FBN1: variants seen among roughly 807,000 people sequenced by gnomAD.
FBN1 encodes the protein fibrillin-1.
Under a neutral mutation model 365.1 loss-of-function variants are expected in FBN1, and 29 were observed. The ratio of observed to expected loss-of-function variants is 0.08; its 90% CI spans 0.06 to 0.11. FBN1 has a LOEUF of 0.11. FBN1 is among the 10% of genes least tolerant of loss of function. The probability of loss-of-function intolerance (pLI) is 1.00; values close to 1 mark genes in which losing one functional copy is unlikely to be tolerated. For missense variants in FBN1, 2,476 were observed against 3,703.2 expected (o/e 0.67, Z 8.60); for synonymous variants, 1,210 against 1,270.5 (o/e 0.95, Z 1.01).
intron 31 of FBN1, among the ~76,000 whole-genome samples, chr15:48,483,321 G>A (rs1305297151): frequency 6.6e-6 from 1 of 152,200 alleles, no homozygotes. Flanking sequence ...TTTTAGAGGT[G>A]AAAACTACAA....
intron 14 of FBN1, 152 bp from the exon 15 acceptor site, chr15:48,508,856 G>C: frequency 1.1e-6 from 1 of 950,812 alleles, no homozygotes. Context: ...ATCATCTAAG[G>C]AAGGAGAAGA....
chr15:48,617,128 T>C (rs1490208333), intron 2 of FBN1, among the ~76,000 whole-genome samples: 1 of 152,160 alleles, frequency 6.6e-6, no homozygotes, highest in Admixed American at 6.5e-5. Context: ...TGTCCATCAA[T>C]AGACCAAGGA....
intron 6 of FBN1, among the ~76,000 whole-genome samples, chr15:48,592,040 T>C (rs1259808845): frequency 6.6e-6 from 1 of 152,180 alleles, no homozygotes; most frequent in Non-Finnish European, 1.5e-5. Context: ...CAAAGTGAAG[T>C]GCTTAGCACA....
At chr15:48,485,558 C>T in intron 29 of FBN1, 62 bp from the exon 30 acceptor site, 2 of 1,587,274 alleles carry the variant, frequency 1.3e-6, no homozygotes. Context: ...CCCTCCAATA[C>T]TCGTGTTGAA....
chr15:48,562,105 G>C (rs1180528612), intron 6 of FBN1, among the ~76,000 whole-genome samples: 1 of 152,114 alleles, frequency 6.6e-6, no homozygotes, highest in East Asian at 1.9e-4. Context: ...TTAGAAGAAT[G>C]GAATCAAGCC....
At chr15:48,644,564 A>G (rs556095838) in intron 2 of FBN1, 42 bp downstream of exon 2, 1 of 1,613,114 alleles carries the variant, frequency 6.2e-7, no homozygotes, top group African/African-American at 1.3e-5. Flanking sequence ...GGATCTTGAA[A>G]CTTGGGAGAC....
intron 50 of FBN1, among the ~76,000 whole-genome samples, chr15:48,439,544 C>T (rs1274285987): frequency 2.6e-5 from 4 of 152,152 alleles, no homozygotes; most frequent in Non-Finnish European, 5.9e-5. Flanking sequence ...ATTTATGCCT[C>T]CAACTACCTT....
intron 28 of FBN1, 37 bp from the exon 29 acceptor site, chr15:48,487,237 A>G (rs757720203): frequency 1.2e-6 from 2 of 1,614,102 alleles, no homozygotes; most frequent in South Asian, 2.2e-5. Context: ...ACCCAAACAT[A>G]AGCTTCCAAC....
At chr15:48,550,721 T>C (rs750351404) in intron 6 of FBN1, among the ~76,000 whole-genome samples, 91 of 152,208 alleles carry the variant, frequency 6.0e-4, no homozygotes, top group Non-Finnish European at 6.0e-4. Context: ...TGCCATCTCC[T>C]CTACCTGGAA....
At chr15:48,496,353 G>A (rs2043609008) in intron 19 of FBN1, 128 bp from the exon 20 acceptor site, 1 of 1,138,688 alleles carries the variant, frequency 8.8e-7, no homozygotes, top group African/African-American at 1.5e-5. Context: ...CAAAACTCCT[G>A]TAGCATTAGC....
At chr15:48,425,339 G>C in intron 60 of FBN1, 30 bp downstream of exon 60, 1 of 1,613,940 alleles carries the variant, frequency 6.2e-7, no homozygotes, top group African/African-American at 1.3e-5. Context: ...TCAGGAGCTA[G>C]GTGAGGGGCA....
chr15:48,425,335 G>A, intron 60 of FBN1, 34 bp downstream of exon 60: 1 of 1,613,872 alleles, frequency 6.2e-7, no homozygotes, highest in South Asian at 1.1e-5. Context: ...TGTGTCAGGA[G>A]CTAGGTGAGG....
chr15:48,568,045 GAAAGAAGA>G (rs1252949681), intron 6 of FBN1, among the ~76,000 whole-genome samples: 43 of 67,226 alleles, frequency 6.4e-4, no homozygotes, highest in East Asian at 1.0e-3. Context: ...AAGAAAGAAA[GAAAGAAGA>G]AAGAAAGAAA....
At chr15:48,459,591 A>G (rs780556622) in intron 43 of FBN1, among the ~76,000 whole-genome samples, 1 of 152,102 alleles carries the variant, frequency 6.6e-6, no homozygotes, top group Non-Finnish European at 1.5e-5. Flanking sequence ...CCAGGGAAAA[A>G]CTCAGAGAAT....
At chr15:48,441,656 G>T (rs1306963006) in intron 50 of FBN1, 65 bp downstream of exon 50, 2 of 1,602,810 alleles carry the variant, frequency 1.2e-6, no homozygotes, top group African/African-American at 1.3e-5. Flanking sequence ...TGCCATGTTT[G>T]AAAAATAAGA....
intron 6 of FBN1, among the ~76,000 whole-genome samples, chr15:48,583,541 G>C (rs551902499): frequency 2.6e-5 from 4 of 152,188 alleles, no homozygotes; most frequent in Admixed American, 2.6e-4. Context: ...TTTACTGATG[G>C]GTAAGTGTCT....
chr15:48,479,908 G>C (rs1328988659), intron 32 of FBN1, among the ~76,000 whole-genome samples: 2 of 152,170 alleles, frequency 1.3e-5, no homozygotes, highest in Non-Finnish European at 2.9e-5. Flanking sequence ...ATGGACAATA[G>C]ATATAGACTA....
chr15:48,556,213 T>C (rs2044179031), intron 6 of FBN1, among the ~76,000 whole-genome samples: 1 of 152,198 alleles, frequency 6.6e-6, no homozygotes, highest in East Asian at 1.9e-4. Context: ...TGACTGTCTA[T>C]ACCACTGGAA....
chr15:48,591,769 G>A (rs1033409271), intron 6 of FBN1, among the ~76,000 whole-genome samples: 1 of 149,862 alleles, frequency 6.7e-6, no homozygotes, highest in Non-Finnish European at 1.5e-5. Flanking sequence ...CCTTTCCAGT[G>A]AGGTCTTTAG....
Sources: gnomAD v4.1 joint callset for allele counts (sites outside exome capture counted in the v4.1 genomes callset) on GRCh38, gnomAD v4.1.1 for gene constraint, MANE v1.5 for transcripts, NCBI Gene and HGNC (gene_info 2026-07-23, HGNC 2026-07-21) for gene names.